Variants in GUCY1A2 observed in about 807,000 individuals in gnomAD.
GUCY1A2 encodes the protein guanylate cyclase soluble subunit alpha-2.
A neutral mutation model predicts 63.5 loss-of-function variants in GUCY1A2; 27 were observed. That is an observed-to-expected ratio of 0.43 (90% CI 0.31 to 0.59). The LOEUF (loss-of-function observed/expected upper bound fraction) is 0.59, where lower values mean the gene tolerates loss of function less well. Ranked by LOEUF, GUCY1A2 falls within the 20% of genes least tolerant of loss-of-function variation. GUCY1A2 has a pLI of 0.11. For missense variants in GUCY1A2, 768 were observed against 913.3 expected (o/e 0.84, Z 2.05); for synonymous variants, 364 against 343.5 (o/e 1.06, Z -0.66).
chr11:106,975,267 G>A (rs1439502607), intron 3 of GUCY1A2, among the ~76,000 whole-genome samples: 1 of 151,974 alleles, frequency 6.6e-6, no homozygotes, highest in Non-Finnish European at 1.5e-5. Context: ...AGAAAACATG[G>A]TACACATGCT....
chr11:106,760,501 T>G (rs1864047857), intron 6 of GUCY1A2, among the ~76,000 whole-genome samples: 1 of 152,202 alleles, frequency 6.6e-6, no homozygotes, highest in South Asian at 2.1e-4. Flanking sequence ...AGTTTTTCAC[T>G]TTTTAATACA....
intron 1 of GUCY1A2, among the ~76,000 whole-genome samples, chr11:106,989,673 C>T (rs770829468): frequency 6.6e-6 from 1 of 152,022 alleles, no homozygotes; most frequent in Non-Finnish European, 1.5e-5. Flanking sequence ...ATAAAGCTAC[C>T]GATACTTCTC....
intron 4 of GUCY1A2, among the ~76,000 whole-genome samples, chr11:106,855,503 G>A (rs1163832332): frequency 1.3e-5 from 2 of 151,998 alleles, no homozygotes; most frequent in Admixed American, 6.6e-5. Flanking sequence ...AGGTGACTGC[G>A]GGATACTTCT....
chr11:106,931,689 A>G (rs1438654734), intron 4 of GUCY1A2, among the ~76,000 whole-genome samples: 1 of 152,242 alleles, frequency 6.6e-6, no homozygotes, highest in African/African-American at 2.4e-5. Context: ...ATACTACACT[A>G]CAGATAAGCT....
chr11:106,877,768 T>G (rs916660908), intron 4 of GUCY1A2, among the ~76,000 whole-genome samples: 21 of 151,938 alleles, frequency 1.4e-4, no homozygotes, highest in Non-Finnish European at 7.4e-5. Flanking sequence ...AAGCAAAAAT[T>G]GACAAATGGG....
chr11:106,924,018 T>C (rs1860485434), intron 4 of GUCY1A2, among the ~76,000 whole-genome samples: 1 of 152,190 alleles, frequency 6.6e-6, no homozygotes, highest in African/African-American at 2.4e-5. Flanking sequence ...GAATGTTACA[T>C]AAAGCAATCA....
In GUCY1A2 at chr11:106,685,371, G is replaced by A. The variant is rs1462496614; in HGVS notation, c.*2178C>T. The A allele has an allele frequency of 3.7e-5, 8 of 213,446 alleles. No individual in the cohort carries two copies. Among genetic ancestry groups the A allele is most frequent in the East Asian group, 7.1e-5 (1 of 14,174 alleles). The allele number at this position is 213,446 out of a possible 1,614,324, so 13.2% of individuals were successfully genotyped here. ...ATGATGCTTTTCAAATATGCTTCCC[G>A]TAGATATTCTTAAGTATGGAGATAA... is the stretch of plus-strand genomic sequence containing the variant. On this transcript the variant is annotated 3_prime_UTR_variant, in exon 8 of 8. Transcript: ENST00000526355.
At chr11:106,747,215 C>T (rs1355022980) in intron 6 of GUCY1A2, among the ~76,000 whole-genome samples, 2 of 152,160 alleles carry the variant, frequency 1.3e-5, no homozygotes, top group African/African-American at 2.4e-5. Context: ...GTCTCGATCT[C>T]CTGACCTCGT....
chr11:106,707,020 C>A (rs1479962771), intron 7 of GUCY1A2, among the ~76,000 whole-genome samples: 1 of 152,034 alleles, frequency 6.6e-6, no homozygotes, highest in East Asian at 1.9e-4. Flanking sequence ...AGATAGAATC[C>A]TGAAACTTTG....
intron 5 of GUCY1A2, among the ~76,000 whole-genome samples, chr11:106,805,248 ATT>A (rs11424210): frequency 0.24 from 34,766 of 143,020 alleles, 4,148 homozygotes; most frequent in East Asian, 0.46. Context: ...TATCACTAAC[ATT>A]TTTTTTTTTT....
At chr11:106,873,482 T>G (rs766629888) in intron 4 of GUCY1A2, among the ~76,000 whole-genome samples, 2 of 152,188 alleles carry the variant, frequency 1.3e-5, no homozygotes, top group Non-Finnish European at 2.9e-5. Flanking sequence ...TGAGATGGTA[T>G]CTCAGTGTGG....
intron 4 of GUCY1A2, among the ~76,000 whole-genome samples, chr11:106,922,818 T>C (rs1033950940): frequency 1.3e-5 from 2 of 151,402 alleles, no homozygotes; most frequent in African/African-American, 4.9e-5. Flanking sequence ...ATTTCACATG[T>C]ATACTCCCAA....
intron 4 of GUCY1A2, among the ~76,000 whole-genome samples, chr11:106,858,871 G>A (rs1859471983): frequency 6.6e-6 from 1 of 151,982 alleles, no homozygotes; most frequent in African/African-American, 2.4e-5. Context: ...AGTAACCTGA[G>A]AACATAATAA....
At chr11:106,915,621 T>A (rs1308392563) in intron 4 of GUCY1A2, among the ~76,000 whole-genome samples, 1 of 126,130 alleles carries the variant, frequency 7.9e-6, no homozygotes, top group Non-Finnish European at 1.9e-5. Flanking sequence ...GGAAACATGG[T>A]GATTATCTCG....
chr11:106,695,409 A>T (rs1278360866), intron 7 of GUCY1A2, among the ~76,000 whole-genome samples: 2 of 152,130 alleles, frequency 1.3e-5, no homozygotes, highest in Non-Finnish European at 2.9e-5. Context: ...TTTTTTGCTA[A>T]GGAATGCATT....
intron 4 of GUCY1A2, among the ~76,000 whole-genome samples, chr11:106,836,347 GTTA>G (rs765872774): frequency 2.6e-5 from 4 of 151,994 alleles, no homozygotes; most frequent in African/African-American, 4.8e-5. Flanking sequence ...AAAATAAAAT[GTTA>G]TTAAGAAAAT....
chr11:106,914,446 T>C (rs536975618), intron 4 of GUCY1A2, among the ~76,000 whole-genome samples: 10 of 152,256 alleles, frequency 6.6e-5, no homozygotes, highest in African/African-American at 1.2e-4. Context: ...TTAGTTACCT[T>C]AACATGTTGT....
chr11:106,985,405 GCT>G (rs551471458), intron 2 of GUCY1A2, among the ~76,000 whole-genome samples: 9 of 152,292 alleles, frequency 5.9e-5, no homozygotes, highest in Non-Finnish European at 8.8e-5. Context: ...CTCATTTGGA[GCT>G]CTCTGTTTAC....
intron 5 of GUCY1A2, among the ~76,000 whole-genome samples, chr11:106,806,382 C>T (rs1424892193): frequency 6.6e-6 from 1 of 152,148 alleles, no homozygotes; most frequent in African/African-American, 2.4e-5. Context: ...AGCACTGGAA[C>T]ACTGCAACCA....
Sources: allele counts gnomAD v4.1 joint callset (sites outside exome capture counted in the v4.1 genomes callset), GRCh38; gene constraint gnomAD v4.1.1; transcripts MANE v1.5; gene names NCBI Gene and HGNC (gene_info 2026-07-23, HGNC 2026-07-21).